GNL3L: variants seen among roughly 807,000 people sequenced by gnomAD.
GNL3L encodes the protein guanine nucleotide-binding protein-like 3-like protein.
In GNL3L, 4 loss-of-function variants were observed where a neutral mutation model predicts 42.9. The observed-to-expected ratio is 0.09, with a 90% CI of 0.05 to 0.21. The LOEUF (loss-of-function observed/expected upper bound fraction) is 0.21, where lower values mean the gene tolerates loss of function less well. Among genes scored for constraint, GNL3L ranks in the 10% least tolerant of loss-of-function variants. The probability of loss-of-function intolerance (pLI) is 1.00; values close to 1 mark genes in which losing one functional copy is unlikely to be tolerated. For synonymous variants in GNL3L, 159 were observed against 176.3 expected (o/e 0.90, Z 0.78); for missense variants, 412 against 481.7 (o/e 0.86, Z 1.36).
chrX:54,547,159 G>T (rs950202887), intron 8 of GNL3L, among the ~76,000 whole-genome samples: 13 of 107,422 alleles, frequency 1.2e-4, no homozygotes, highest in African/African-American at 4.4e-4. Flanking sequence ...ACCACACCCA[G>T]CTAATTTTTG....
intron 16 of GNL3L, among the ~76,000 whole-genome samples, chrX:54,580,717 T>C (rs999327224): frequency 6.2e-5 from 7 of 112,243 alleles, no homozygotes; most frequent in Non-Finnish European, 1.3e-4. Flanking sequence ...TGGTATCTCA[T>C]TGTGGTTTTG....
the GNL3L span, among the ~76,000 whole-genome samples, chrX:54,626,917 C>T: frequency 3.6e-5 from 4 of 111,113 alleles, no homozygotes; most frequent in Non-Finnish European, 7.5e-5. Flanking sequence ...GAATTTTCAT[C>T]CCTTGTTGGA....
At chrX:54,580,905 C>T (rs375450008) in intron 16 of GNL3L, among the ~76,000 whole-genome samples, 4 of 111,883 alleles carry the variant, frequency 3.6e-5, no homozygotes, top group East Asian at 2.8e-4. Flanking sequence ...CTCAGCCTCC[C>T]GAGTAGCCAG....
At chrX:54,630,703 T>C in the GNL3L span, among the ~76,000 whole-genome samples, 125 of 13,638 alleles carry the variant, frequency 9.2e-3, 3 homozygotes, top group African/African-American at 0.053. Flanking sequence ...CCTTCCTTTC[T>C]TTCTTTTTCT....
intron 14 of GNL3L, among the ~76,000 whole-genome samples, chrX:54,555,095 CT>C (rs756892449): frequency 1.9e-4 from 21 of 110,647 alleles, no homozygotes; most frequent in Non-Finnish European, 3.6e-4. Flanking sequence ...TCACTGCAGC[CT>C]TTGCCTCCCA....
At chrX:54,554,442 G>C in intron 13 of GNL3L, 123 bp from the exon 14 acceptor site, 1 of 625,139 alleles carries the variant, frequency 1.6e-6, no homozygotes, top group Non-Finnish European at 2.4e-6. Context: ...CAGCAGGAGT[G>C]AAAAAGTTCC....
intron 2 of GNL3L, among the ~76,000 whole-genome samples, chrX:54,535,545 C>A (rs1416404105): frequency 9.0e-6 from 1 of 111,585 alleles, no homozygotes; most frequent in Non-Finnish European, 1.9e-5. Flanking sequence ...TAATTGTATT[C>A]ATATTTATAT....
intron 16 of GNL3L, among the ~76,000 whole-genome samples, chrX:54,597,036 C>G (rs1925939428): frequency 9.0e-6 from 1 of 111,282 alleles, no homozygotes; most frequent in Non-Finnish European, 1.9e-5. Flanking sequence ...TACTCTGCCT[C>G]CCTGCGGTGG....
chrX:54,586,038 T>G (rs1449853585), intron 16 of GNL3L, among the ~76,000 whole-genome samples: 2 of 111,536 alleles, frequency 1.8e-5, no homozygotes, highest in Non-Finnish European at 3.8e-5. Context: ...GGAACCAAAA[T>G]AGTGAGTAGA....
At chrX:54,572,947 G>A (rs1367362190) in intron 16 of GNL3L, among the ~76,000 whole-genome samples, 1 of 108,865 alleles carries the variant, frequency 9.2e-6, no homozygotes, top group Non-Finnish European at 1.9e-5. Flanking sequence ...CCCAGACGAT[G>A]GGCGGCCAGG....
rs764976884 is a variant in GNL3L, at chrX:54,565,161, GTTC to G, written c.*4562_*4564del. Among the ~76,000 whole-genome samples, 37 of 111,944 alleles carry G rather than the reference GTTC, an allele frequency of 3.3e-4. No homozygotes were observed. Among genetic ancestry groups the G allele is most frequent in the Middle Eastern group, 4.6e-3 (1 of 217 alleles). On this transcript the variant is annotated 3_prime_UTR_variant, in exon 16 of 16. Coordinates refer to ENST00000360845, the MANE Select transcript of GNL3L (RefSeq NM_001184819.2). ...ATCCATATTTCTCAGTATATTAATA[GTTC>G]TTATTTCTGAGTCACTCCATTGTGT...
chrX:54,596,250 A>T (rs1270493788), intron 16 of GNL3L, among the ~76,000 whole-genome samples: 1 of 111,761 alleles, frequency 8.9e-6, no homozygotes, highest in Admixed American at 9.5e-5. Flanking sequence ...GTTAGGTGTG[A>T]TCTAAGTTGT....
chrX:54,629,976 A>G, the GNL3L span, among the ~76,000 whole-genome samples: 16 of 111,384 alleles, frequency 1.4e-4, no homozygotes, highest in African/African-American at 4.9e-4. Context: ...TTCCTGGTTT[A>G]ATCTAGAAGG....
intron 16 of GNL3L, among the ~76,000 whole-genome samples, chrX:54,585,909 G>T (rs1315212851): frequency 9.0e-6 from 1 of 110,755 alleles, no homozygotes. Flanking sequence ...TGTTTTTGAT[G>T]CATGCCATCC....
At chrX:54,622,301 T>TTTTG (rs1926298036), downstream of GNL3L, among the ~76,000 whole-genome samples, 1 of 88,158 alleles carries the variant, frequency 1.1e-5, no homozygotes, top group African/African-American at 4.9e-5. Flanking sequence ...TTTTTTTTTT[T>TTTTG]GGAGACGGAG....
chrX:54,592,790 G>C (rs1925885939), intron 16 of GNL3L, among the ~76,000 whole-genome samples: 1 of 109,081 alleles, frequency 9.2e-6, no homozygotes, highest in Non-Finnish European at 1.9e-5. Flanking sequence ...ACTCCAGGCT[G>C]GGTGACACAG....
intron 16 of GNL3L, among the ~76,000 whole-genome samples, chrX:54,620,005 G>GTAGGTGTA (rs1926268693): frequency 9.0e-6 from 1 of 111,037 alleles, no homozygotes; most frequent in Admixed American, 9.6e-5. Context: ...TGGGTACATA[G>GTAGGTGTA]TAGGTGTATA....
At chrX:54,585,195 G>A (rs1280952705) in intron 16 of GNL3L, among the ~76,000 whole-genome samples, 1 of 112,051 alleles carries the variant, frequency 8.9e-6, no homozygotes, top group East Asian at 2.8e-4. Flanking sequence ...TTTCATCTAT[G>A]TTCATTGAGG....
chrX:54,544,470 CTT>C (rs869256708), intron 8 of GNL3L, 144 bp downstream of exon 8: 5,351 of 322,800 alleles, frequency 0.017, no homozygotes, highest in Middle Eastern at 0.027. Flanking sequence ...CACCGAGTGA[CTT>C]TTTTTTTTTT....
Sources: allele counts gnomAD v4.1 joint callset (sites outside exome capture counted in the v4.1 genomes callset), GRCh38; gene constraint gnomAD v4.1.1; transcripts MANE v1.5; gene names NCBI Gene and HGNC (gene_info 2026-07-23, HGNC 2026-07-21).